The following LHX6 variants were observed in gnomAD, a reference collection of about 807,000 sequenced individuals.
LHX6 encodes the protein LIM homeobox 6.
LHX6 carries 15 observed loss-of-function variants against 47.1 expected under a neutral mutation model. The observed-to-expected ratio is 0.32, with a 90% confidence interval of 0.21 to 0.49. The LOEUF (loss-of-function observed/expected upper bound fraction) is 0.49. LHX6 is among the 20% of genes least tolerant of loss of function. LHX6 has a pLI of 0.99. For missense variants in LHX6, 404 were observed against 539.6 expected, an observed-to-expected ratio of 0.75 and a Z score of 2.49; for synonymous variants, 242 against 233.5, an observed-to-expected ratio of 1.04 and a Z score of -0.33.
intron 1 of LHX6, chr9:122,228,192 G>A: frequency 7.0e-7 from 1 of 1,432,394 alleles, no homozygotes. Context: ...GCCAGTCGGA[G>A]GGAAACCCGG....
In LHX6 at chr9:122,228,580, C is replaced by T. The variant is rs1053467728; in HGVS notation, c.84+77G>A. On this transcript the variant is annotated intron_variant, in intron 1 of 9. Coordinates refer to ENST00000394319, the MANE Select transcript of LHX6 (RefSeq NM_014368.5). ...CCCTCCTTCCTGCAACCGCCCGCCACCCTGCTCGGCCCGGCTGGGTCCCGG... is the reference window on the plus strand; with the variant it reads ...CCCTCCTTCCTGCAACCGCCCGCCATCCTGCTCGGCCCGGCTGGGTCCCGG... The T allele has an allele frequency of 5.9e-6, 8 of 1,356,788 alleles. No homozygotes were observed. In the South Asian group the frequency reaches 8.4e-5, roughly 14 times the overall value. 84.0% of individuals were successfully genotyped at this position (1,356,788 alleles called of 1,614,324 possible). A position where few individuals can be genotyped will look rare whatever the true frequency, so the allele number is the denominator to read the frequency against.
At position 122,228,220 on chromosome 9, in the gene LHX6, A is replaced by G. The variant is rs1831190804; in HGVS notation, c.84+437T>C. 6 of 1,512,718 alleles carry G rather than the reference A, an allele frequency of 4.0e-6. No individual in the cohort carries two copies. In the South Asian group the frequency reaches 6.0e-5, roughly 15 times the overall value. 93.7% of individuals were successfully genotyped at this position (1,512,718 alleles called of 1,614,324 possible). A position where few individuals can be genotyped will look rare whatever the true frequency, so the allele number is the denominator to read the frequency against. On this transcript the variant is annotated intron_variant, in intron 1 of 9. Coordinates refer to ENST00000394319, the MANE Select transcript of LHX6 (RefSeq NM_014368.5). ...AAACCCGGAGCAAAAAGAGAGCGAG[A>G]TCGGGGCGAAACGGGACCAAAAAGA...
chr9:122,209,187 GC>G (rs1296343400), intron 9 of LHX6, among the ~76,000 whole-genome samples: 1 of 152,222 alleles, frequency 6.6e-6, no homozygotes, highest in African/African-American at 2.4e-5. Context: ...AGGAGGCCCT[GC>G]CAGTTGACCA....
At chr9:122,216,990 G>C in intron 5 of LHX6, 78 bp downstream of exon 5, 1 of 1,240,786 alleles carries the variant, frequency 8.1e-7, no homozygotes, top group Non-Finnish European at 1.2e-6. Flanking sequence ...AGGAGTGTGG[G>C]TGGTTCCTGG....
In LHX6 at chr9:122,216,998, T is replaced by C. The variant is rs569751763; in HGVS notation, c.682+70A>G. ...TCGGTAGAGGAGTGTGGGTGGTTCC[T>C]GGGGTGCTGGGGTGGGGTGGGGTGG... is the stretch of plus-strand genomic sequence containing the variant. On this transcript the variant is annotated intron_variant, in intron 5 of 9. Transcript: ENST00000394319. The C allele has an allele frequency of 1.5e-5, 20 of 1,294,848 alleles. No homozygotes were observed. In the African/African-American group the frequency reaches 2.7e-4, roughly 18 times the overall value. 80.2% of individuals were successfully genotyped at this position (1,294,848 alleles called of 1,614,324 possible). A position where few individuals can be genotyped will look rare whatever the true frequency, so the allele number is the denominator to read the frequency against.
At chr9:122,205,058 C>T (rs888126831) in intron 9 of LHX6, among the ~76,000 whole-genome samples, 2 of 152,226 alleles carry the variant, frequency 1.3e-5, no homozygotes, top group African/African-American at 4.8e-5. Flanking sequence ...GCCTTCTGGG[C>T]ATTTCACCCT....
Position 122,226,523 on chromosome 9 carries a change from C to A in LHX6, c.340-26G>T. ...CTGGGGACGGGGCGGGGACGGAGGT[C>A]GGCTCAGCGCGGGCCTCTTTCACTC... On this transcript the variant is annotated intron_variant, in intron 3 of 9. Transcript: ENST00000394319. This position sits in a 1 kb window ranked among gnomAD's most constrained non-coding sequence, Gnocchi z 6.5. 1 of 1,608,010 alleles carries A rather than the reference C, an allele frequency of 6.2e-7. No individual in the cohort carries two copies. The highest frequency in any genetic ancestry group is 1.1e-5 in the South Asian group (1 of 90,528).
intron 4 of LHX6, among the ~76,000 whole-genome samples, chr9:122,219,724 C>A (rs576442703): frequency 5.9e-5 from 9 of 152,262 alleles, no homozygotes; most frequent in African/African-American, 2.2e-4. Flanking sequence ...GGTTCAGAGC[C>A]GGCGAGTGAT....
At chr9:122,228,360 G>T (rs1198075625) in intron 1 of LHX6, 1 of 1,529,918 alleles carries the variant, frequency 6.5e-7, no homozygotes, top group Non-Finnish European at 8.7e-7. Context: ...CGGCGCATCG[G>T]CGCTATCAGC....
At chr9:122,228,356 A>T (rs1831199080) in intron 1 of LHX6, 1 of 1,530,850 alleles carries the variant, frequency 6.5e-7, no homozygotes, top group Non-Finnish European at 8.7e-7. Context: ...CCCCCGGCGC[A>T]TCGGCGCTAT....
chr9:122,206,901 C>T lies in LHX6; in HGVS notation c.1159-2121G>A, dbSNP rs533542046. Among the ~76,000 whole-genome samples the T allele has an allele frequency of 2.4e-4, 37 of 152,302 alleles. 1 individual carries two copies. In the South Asian group the frequency reaches 3.9e-3, roughly 16 times the overall value. On this transcript the variant is annotated intron_variant, in intron 9 of 9. Coordinates refer to ENST00000394319, the MANE Select transcript of LHX6 (RefSeq NM_014368.5). ...CCATGCCTCTGGGCCTTTGCACATGCGGTTCTCTTGATGTGGAACACCCTT... is the reference window on the plus strand; with the variant it reads ...CCATGCCTCTGGGCCTTTGCACATGTGGTTCTCTTGATGTGGAACACCCTT...
At chr9:122,216,763 T>C (rs928684861) in intron 5 of LHX6, among the ~76,000 whole-genome samples, 1 of 152,208 alleles carries the variant, frequency 6.6e-6, no homozygotes, top group Non-Finnish European at 1.5e-5. Flanking sequence ...TAGGGTTCAC[T>C]GAGTGCCTCC....
Position 122,213,606 on chromosome 9 carries a change from T to G in LHX6, c.1054A>C (p.Ser352Arg). ...GGCTCCCGGCGCTGCGGTTACTTAC[T>G]CTCAATGTAGCCGTGCAGGGTGACC... ...RMVTLHGYIE[S>R]QVQCGQVHCR... The change falls in exon 8 of 10, where the codon AGT becomes CGT. Residue 352 changes from serine (S) to arginine (R), a missense_variant and splice_region_variant. By Grantham distance (110) the Ser-to-Arg change is moderately radical. This residue lies in a region of LHX6 where 127 missense variants were observed against 116.1 expected (regional missense o/e 1.09). Coordinates refer to ENST00000394319, the MANE Select transcript of LHX6 (RefSeq NM_014368.5). This position sits in a 1 kb window ranked among gnomAD's most constrained non-coding sequence, Gnocchi z 5.5. 1.3e-6 allele frequency: 2 copies of G among 1,576,634 alleles called. No individual in the cohort carries two copies. Among genetic ancestry groups the G allele is most frequent in the South Asian group, 2.3e-5 (2 of 88,442 alleles).
chr9:122,228,867 C>G lies in LHX6; in HGVS notation c.-127G>C, dbSNP rs1414851796. On this transcript the variant is annotated 5_prime_UTR_variant, in exon 1 of 10. Coordinates refer to ENST00000394319, the MANE Select transcript of LHX6 (RefSeq NM_014368.5). The stretch of plus-strand genomic sequence containing the variant: ...AGAGCCGAGGCGCCGGCCCCGCCGC[C>G]CCGGGCCCGGCCTCAGCCCCCGCCC... 5.8e-6 allele frequency: 3 copies of G among 517,468 alleles called. No homozygotes were observed. The highest frequency in any genetic ancestry group is 8.2e-6 in the Non-Finnish European group (3 of 365,408). 32.1% of individuals were successfully genotyped at this position (517,468 alleles called of 1,614,324 possible).
chr9:122,214,103 C>G lies in LHX6; in HGVS notation c.784-34G>C, dbSNP rs766046550. The G allele has an allele frequency of 6.4e-7, 1 of 1,568,658 alleles. No homozygotes were observed. The highest frequency in any genetic ancestry group is 8.6e-7 in the Non-Finnish European group (1 of 1,157,410). On this transcript the variant is annotated intron_variant, in intron 6 of 9. Coordinates refer to ENST00000394319, the MANE Select transcript of LHX6 (RefSeq NM_014368.5). This position sits in a 1 kb window ranked among gnomAD's most constrained non-coding sequence, Gnocchi z 4.6. ...CGGGGAGGGCGGTGAGGCGCTCGCACGCAGAGACTCCGAGACCCCGGCCCA... is the reference window on the plus strand; with the variant it reads ...CGGGGAGGGCGGTGAGGCGCTCGCAGGCAGAGACTCCGAGACCCCGGCCCA...
At chr9:122,228,551 G>T in intron 1 of LHX6, 106 bp downstream of exon 1, 2 of 1,243,192 alleles carry the variant, frequency 1.6e-6, no homozygotes, top group South Asian at 3.3e-5. Flanking sequence ...GCGCACCCTC[G>T]TACCCCTCCT....
chr9:122,219,615 C>A (rs886758055), intron 4 of LHX6, among the ~76,000 whole-genome samples: 2 of 152,182 alleles, frequency 1.3e-5, no homozygotes, highest in African/African-American at 4.8e-5. Context: ...GACCTTACTA[C>A]GGGCCGGGGT....
intron 8 of LHX6, among the ~76,000 whole-genome samples, chr9:122,212,702 C>T (rs529100928): frequency 2.0e-5 from 3 of 152,270 alleles, no homozygotes; most frequent in Admixed American, 1.3e-4. Context: ...CACCATGACC[C>T]GCTTGCCCCT....
chr9:122,226,538 C>T lies in LHX6; in HGVS notation c.340-41G>A. On this transcript the variant is annotated intron_variant, in intron 3 of 9. Transcript: ENST00000394319. The surrounding 1 kb of genome is among the most constrained non-coding windows in gnomAD (Gnocchi z 6.5). The stretch of plus-strand genomic sequence containing the variant: ...GGACGGAGGTCGGCTCAGCGCGGGC[C>T]TCTTTCACTCCGGGCCCCAGCCTTC... The T allele has an allele frequency of 1.9e-6, 3 of 1,596,670 alleles. No individual in the cohort carries two copies. Among genetic ancestry groups the T allele is most frequent in the Middle Eastern group, 1.8e-4 (1 of 5,624 alleles).
Sources: allele counts gnomAD v4.1 joint callset (sites outside exome capture counted in the v4.1 genomes callset), GRCh38; gene constraint gnomAD v4.1.1; regional missense constraint gnomAD v4.1.1; non-coding constraint Gnocchi (gnomAD v3.1); transcripts MANE v1.5; gene names NCBI Gene and HGNC (gene_info 2026-07-23, HGNC 2026-07-21).